The following NTRK3 variants were observed in gnomAD, a reference collection of about 807,000 sequenced individuals.
The protein encoded by NTRK3 is neurotrophic receptor tyrosine kinase 3.
NTRK3 carries 24 observed loss-of-function variants against 91.7 expected under a neutral mutation model. That is an observed-to-expected ratio of 0.26 (90% CI 0.19 to 0.37). The LOEUF is 0.37. Ranked by LOEUF, NTRK3 falls within the 10% of genes least tolerant of loss-of-function variation. The pLI is 1.00. For synonymous variants in NTRK3, 483 were observed against 404.0 expected, an observed-to-expected ratio of 1.20 and a Z score of -2.34; for missense variants, 880 against 1,068.9, an observed-to-expected ratio of 0.82 and a Z score of 2.46.
chr15:88,226,719 G>T (rs933940436), intron 3 of NTRK3, among the ~76,000 whole-genome samples: 12 of 152,198 alleles, frequency 7.9e-5, no homozygotes, highest in African/African-American at 2.9e-4. Context: ...ACACTCACAT[G>T]GTCTTGTGTC....
chr15:88,068,856 C>T (rs138587467), intron 13 of NTRK3, among the ~76,000 whole-genome samples: 4 of 152,064 alleles, frequency 2.6e-5, no homozygotes, highest in Non-Finnish European at 5.9e-5. Flanking sequence ...GATGGGGAAG[C>T]AAATGGAGCC....
intron 13 of NTRK3, among the ~76,000 whole-genome samples, chr15:88,061,946 T>C (rs1038309976): frequency 2.6e-5 from 4 of 152,144 alleles, no homozygotes; most frequent in Non-Finnish European, 2.9e-5. Flanking sequence ...ATCTGTGGGT[T>C]CCACATCTGC....
chr15:88,074,967 C>T (rs2047406934), intron 13 of NTRK3, among the ~76,000 whole-genome samples: 1 of 152,204 alleles, frequency 6.6e-6, no homozygotes, highest in Non-Finnish European at 1.5e-5. Context: ...TCCCGGCACC[C>T]TTTTCCCCTT....
chr15:88,101,221 C>T (rs1004543311), intron 13 of NTRK3, among the ~76,000 whole-genome samples: 2 of 152,192 alleles, frequency 1.3e-5, no homozygotes, highest in Non-Finnish European at 2.9e-5. Flanking sequence ...TGAATAGACA[C>T]TTCTCAAAAG....
At chr15:88,115,541 T>C (rs2051951639) in intron 13 of NTRK3, among the ~76,000 whole-genome samples, 1 of 152,216 alleles carries the variant, frequency 6.6e-6, no homozygotes, top group African/African-American at 2.4e-5. Flanking sequence ...AGACAGATGC[T>C]GGCATTCTTC....
At chr15:87,943,033 G>A (rs1370508374) in intron 14 of NTRK3, among the ~76,000 whole-genome samples, 2 of 152,004 alleles carry the variant, frequency 1.3e-5, no homozygotes, top group Non-Finnish European at 2.9e-5. Flanking sequence ...CCTCTGCATT[G>A]TAATAGGAGA....
At chr15:88,136,433 G>T (rs765677793) in intron 8 of NTRK3, 34 bp downstream of exon 8, 2 of 1,613,928 alleles carry the variant, frequency 1.2e-6, no homozygotes, top group Admixed American at 1.7e-5. Flanking sequence ...TCACTCCCTA[G>T]CCTCCTGATG....
At chr15:87,912,931 A>ATATATATATATATATATATATATAT (rs1567099538) in intron 17 of NTRK3, among the ~76,000 whole-genome samples, 1 of 36,502 alleles carries the variant, frequency 2.7e-5, no homozygotes, top group African/African-American at 1.4e-4. Context: ...AGTAAAAAAA[A>ATATATATATATATATATATATATAT]ATATATATAT....
chr15:88,220,876 C>T (rs1044782453), intron 3 of NTRK3, among the ~76,000 whole-genome samples: 1 of 152,152 alleles, frequency 6.6e-6, no homozygotes. Context: ...GAGATCAACC[C>T]GTCCAGAGAT....
chr15:88,107,235 G>A (rs1432330859), intron 13 of NTRK3, among the ~76,000 whole-genome samples: 5 of 152,070 alleles, frequency 3.3e-5, no homozygotes, highest in African/African-American at 1.2e-4. Flanking sequence ...TTGAGCTCAG[G>A]AGTTCAGGAC....
chr15:88,149,414 G>C (rs1276036748), intron 5 of NTRK3, among the ~76,000 whole-genome samples: 1 of 152,186 alleles, frequency 6.6e-6, no homozygotes. Context: ...TCTGTTCAGA[G>C]TTTTTAAGCC....
chr15:88,034,585 G>C (rs570743112), intron 13 of NTRK3, among the ~76,000 whole-genome samples: 1 of 152,296 alleles, frequency 6.6e-6, no homozygotes, highest in East Asian at 1.9e-4. Context: ...GCTGTGATTT[G>C]GTTTTGCAGC....
intron 14 of NTRK3, among the ~76,000 whole-genome samples, chr15:88,000,785 T>C (rs573946817): frequency 4.6e-5 from 7 of 152,368 alleles, no homozygotes; most frequent in African/African-American, 1.7e-4. Flanking sequence ...TTCTGCTTTT[T>C]AGCTATTATG....
At chr15:88,157,725 GGA>G (rs992663341) in intron 5 of NTRK3, among the ~76,000 whole-genome samples, 32 of 152,202 alleles carry the variant, frequency 2.1e-4, no homozygotes, top group African/African-American at 7.0e-4. Flanking sequence ...GGAGGACTTG[GGA>G]GAGGAGATAA....
rs751311996 is a variant in NTRK3 at position 87,950,419 on chromosome 15, G to A, written c.1586-9666C>T. ...GAATAAGGAGAAAGAGCATCATTTG[G>A]TCTATAAAAGAGAGGCAGCAGCACC... On this transcript the variant is annotated intron_variant, in intron 14 of 18. Transcript: ENST00000394480. Among the ~76,000 whole-genome samples the A allele has an allele frequency of 2.0e-5, 3 of 152,174 alleles. No individual in the cohort carries two copies. The South Asian group carries it at 6.2e-4, about 32-fold the overall frequency.
intron 5 of NTRK3, among the ~76,000 whole-genome samples, chr15:88,164,631 G>T (rs2044761332): frequency 6.6e-6 from 1 of 151,730 alleles, no homozygotes; most frequent in Non-Finnish European, 1.5e-5. Context: ...TACCTTCCTT[G>T]ACTGCCAGCA....
At chr15:88,050,505 GTGTGTGTGTGTA>G (rs762837750) in intron 13 of NTRK3, among the ~76,000 whole-genome samples, 4 of 110,594 alleles carry the variant, frequency 3.6e-5, no homozygotes, top group African/African-American at 1.8e-4. Context: ...GTGTGTGTGT[GTGTGTGTGTGTA>G]TGTGTGTGTG....
At chr15:87,904,901 A>G (rs780147215) in intron 17 of NTRK3, among the ~76,000 whole-genome samples, 3 of 152,226 alleles carry the variant, frequency 2.0e-5, no homozygotes, top group Non-Finnish European at 2.9e-5. Context: ...ATTTGTTTCT[A>G]CCAGAGGGAG....
At chr15:88,018,185 G>A (rs1423567287) in intron 14 of NTRK3, among the ~76,000 whole-genome samples, 1 of 152,216 alleles carries the variant, frequency 6.6e-6, no homozygotes, top group Non-Finnish European at 1.5e-5. Context: ...GCTTCTGGGA[G>A]GCCTGCCTCA....
Sources: gnomAD v4.1 joint callset for allele counts (sites outside exome capture counted in the v4.1 genomes callset) on GRCh38, gnomAD v4.1.1 for gene constraint, MANE v1.5 for transcripts, NCBI Gene and HGNC (gene_info 2026-07-23, HGNC 2026-07-21) for gene names.